KLHL22: variants seen among roughly 807,000 people sequenced by gnomAD.
KLHL22 encodes kelch-like protein 22.
Under a neutral mutation model 60.7 loss-of-function variants are expected in KLHL22, and 18 were observed. The observed-to-expected ratio is 0.30, with a 90% CI of 0.20 to 0.44. KLHL22 has a LOEUF of 0.44. Among genes scored for constraint, KLHL22 ranks in the 20% least tolerant of loss-of-function variants. The pLI is 1.00. For synonymous variants in KLHL22, 355 were observed against 354.5 expected (o/e 1.00, Z -0.01); for missense variants, 596 against 852.3 (o/e 0.70, Z 3.74).
chr22:20,489,598 T>G (rs165613), intron 1 of KLHL22, among the ~76,000 whole-genome samples: 141,389 of 152,256 alleles, frequency 0.93, 66,113 homozygotes, highest in African/African-American at 0.96. Flanking sequence ...CTCCCCAATT[T>G]TAAAAAGAGA....
chr22:20,470,860 G>A (rs5998703), intron 3 of KLHL22, among the ~76,000 whole-genome samples: 2,074 of 140,296 alleles, frequency 0.015, 56 homozygotes, highest in African/African-American at 0.058. Flanking sequence ...GGATGGATGC[G>A]TGCATGCATG....
chr22:20,487,591 T>C (rs1194844904), intron 2 of KLHL22, among the ~76,000 whole-genome samples: 1 of 152,048 alleles, frequency 6.6e-6, no homozygotes, highest in Non-Finnish European at 1.5e-5. Flanking sequence ...CCAATAATGT[T>C]GCCACTCTCC....
chr22:20,462,521 AT>A lies in KLHL22; in HGVS notation c.1112+2336del, dbSNP rs558617516. ...AAGCACGTACCATCAGGCCCAGCTA[AT>A]TTTTTTTTTTTTTTTTTGGTAGAGA... On this transcript the variant is annotated intron_variant, in intron 4 of 6. Transcript: ENST00000328879. Among the ~76,000 whole-genome samples, 788 of 134,658 alleles carry A rather than the reference AT, an allele frequency of 5.9e-3. 1 individual carries two copies. The highest frequency in any genetic ancestry group is 8.9e-3 in the East Asian group (42 of 4,722). The allele number at this position is 134,658 out of a possible 152,430, so 88.3% of individuals were successfully genotyped here.
chr22:20,486,204 A>G (rs898994225), intron 2 of KLHL22, among the ~76,000 whole-genome samples: 2 of 151,356 alleles, frequency 1.3e-5, no homozygotes, highest in African/African-American at 4.8e-5. Context: ...TGTTCTTTGT[A>G]AAATAATTCA....
chr22:20,468,040 A>G (rs1180622421), intron 3 of KLHL22, among the ~76,000 whole-genome samples: 4 of 152,224 alleles, frequency 2.6e-5, no homozygotes, highest in Non-Finnish European at 5.9e-5. Context: ...GCAAGGTGAC[A>G]TGCTAAGAGC....
intron 5 of KLHL22, chr22:20,451,424 G>A (rs938341342): frequency 6.2e-7 from 1 of 1,607,938 alleles, no homozygotes; most frequent in Non-Finnish European, 8.5e-7. Context: ...GGATATGACG[G>A]CTTGAATATC....
At chr22:20,447,432 G>T (rs1201980595) in intron 5 of KLHL22, among the ~76,000 whole-genome samples, 1 of 152,226 alleles carries the variant, frequency 6.6e-6, no homozygotes, top group Non-Finnish European at 1.5e-5. Flanking sequence ...CATGCGGGTG[G>T]CAAAAACACA....
In KLHL22 at chr22:20,457,919, G is replaced by C; in HGVS notation, c.1194C>G (p.Gly398=). ...GGCCCGCCACAGCGTAGATGTACCT[G>C]CCTACAACACACACGGACAGGTCGG... ...EHADLSVCVV[G]RYIYAVAGRD... Residue 398 remains glycine (G), a synonymous_variant, in exon 5 of 7, where the codon GGC becomes GGG. Coordinates refer to ENST00000328879, the MANE Select transcript of KLHL22 (RefSeq NM_032775.4). 1 of 1,614,150 alleles carries C rather than the reference G, an allele frequency of 6.2e-7. No individual in the cohort carries two copies. The highest frequency in any genetic ancestry group is 8.5e-7 in the Non-Finnish European group (1 of 1,180,024).
intron 3 of KLHL22, among the ~76,000 whole-genome samples, chr22:20,469,749 A>T (rs540126168): frequency 6.9e-6 from 1 of 144,696 alleles, no homozygotes; most frequent in Admixed American, 7.2e-5. Context: ...CATGCCCCCG[A>T]ACAGGTTGGT....
rs753204404 is a variant in KLHL22 at position 20,465,410 on chromosome 22, T to C, written c.560A>G (p.Lys187Arg). Residue 187 changes from lysine to arginine, a missense_variant, in exon 4 of 7, where the codon AAG (lysine) becomes AGG (arginine). Coordinates refer to ENST00000328879, the MANE Select transcript of KLHL22 (RefSeq NM_032775.4). The surrounding 1 kb of genome is among the most constrained non-coding windows in gnomAD (Gnocchi z 4.9). Reference protein sequence around the residue: ...KNFVAFSRTDKYRQLPLEKVY... With the variant: ...KNFVAFSRTDRYRQLPLEKVY... ...CTTCTCCAATGGAAGCTGGCGGTACTTGTCAGTCCGAGAGAAGGCCACAAA... is the reference window on the plus strand; with the variant it reads ...CTTCTCCAATGGAAGCTGGCGGTACCTGTCAGTCCGAGAGAAGGCCACAAA... 7 of 1,614,156 alleles carry C rather than the reference T, an allele frequency of 4.3e-6. No homozygotes were observed. Among genetic ancestry groups the C allele is most frequent in the Non-Finnish European group, 5.9e-6 (7 of 1,180,030 alleles).
At chr22:20,491,444 G>A (rs1347715412) in intron 1 of KLHL22, 1 of 152,162 alleles carries the variant, frequency 6.6e-6, no homozygotes, top group Non-Finnish European at 1.5e-5. Context: ...AAGCTACCTA[G>A]GGGCTGCTGG....
chr22:20,472,063 A>G lies in KLHL22; in HGVS notation c.228-548T>C, dbSNP rs1453797547. On this transcript the variant is annotated intron_variant, in intron 2 of 6. Transcript: ENST00000328879. The stretch of plus-strand genomic sequence containing the variant: ...GGAATTCGAGACCAGCCTGGCCCAC[A>G]TGGTGAAACCGCGTCTCTACTAAAA... 2.6e-5 allele frequency among the ~76,000 whole-genome samples: 4 copies of G among 151,996 alleles called. No homozygotes were observed. The East Asian group carries it at 7.7e-4, about 29-fold the overall frequency.
At chr22:20,448,065 C>T (rs1413737083) in intron 5 of KLHL22, among the ~76,000 whole-genome samples, 1 of 152,162 alleles carries the variant, frequency 6.6e-6, no homozygotes, top group Admixed American at 6.5e-5. Flanking sequence ...CCACTCACCT[C>T]CCTTACCCTA....
intron 4 of KLHL22, among the ~76,000 whole-genome samples, chr22:20,458,759 G>T (rs1023117255): frequency 5.3e-5 from 8 of 151,978 alleles, no homozygotes; most frequent in Admixed American, 6.6e-5. Flanking sequence ...GTCAACAGCC[G>T]CACACACAAG....
chr22:20,450,527 G>C, intron 5 of KLHL22: 1 of 1,614,070 alleles, frequency 6.2e-7, no homozygotes, highest in Non-Finnish European at 8.5e-7. Context: ...AATTGCCTGG[G>C]TATTAGGGAT....
At chr22:20,488,668 G>GAC in intron 2 of KLHL22, 1 of 420,506 alleles carries the variant, frequency 2.4e-6, no homozygotes, top group South Asian at 2.4e-5. Context: ...ACTGACGGAG[G>GAC]GGAGGAATGG....
chr22:20,458,112 C>T, intron 4 of KLHL22, 112 bp from the exon 5 acceptor site: 1 of 1,139,910 alleles, frequency 8.8e-7, no homozygotes. Context: ...CAGCCTGAAC[C>T]CTCCCCAACT....
intron 5 of KLHL22, chr22:20,451,635 G>C: frequency 6.2e-7 from 1 of 1,605,974 alleles, no homozygotes; most frequent in Non-Finnish European, 8.5e-7. Flanking sequence ...CCACCAGTAT[G>C]ACCACTCCAC....
chr22:20,461,636 T>C (rs2053157683), intron 4 of KLHL22, among the ~76,000 whole-genome samples: 1 of 152,022 alleles, frequency 6.6e-6, no homozygotes, highest in Non-Finnish European at 1.5e-5. Context: ...ACTATTAATG[T>C]TTTAATGTCT....
Sources: gnomAD v4.1 joint callset for allele counts (sites outside exome capture counted in the v4.1 genomes callset) on GRCh38, gnomAD v4.1.1 for gene constraint, Gnocchi (gnomAD v3.1) non-coding constraint, MANE v1.5 for transcripts, NCBI Gene and HGNC (gene_info 2026-07-23, HGNC 2026-07-21) for gene names.